Variants in SRGAP2C observed in about 807,000 individuals in gnomAD.
SRGAP2C encodes the protein SLIT-ROBO Rho GTPase-activating protein 2C.
Under a neutral mutation model 25.1 loss-of-function variants are expected in SRGAP2C, and 15 were observed. That is an observed-to-expected ratio of 0.60 (90% CI 0.40 to 0.92). SRGAP2C has a LOEUF of 0.92. Ranked by LOEUF, SRGAP2C falls within the 40% of genes least tolerant of loss-of-function variation. SRGAP2C has a pLI of 0.00. For missense variants in SRGAP2C, 144 were observed against 264.4 expected, an observed-to-expected ratio of 0.54 and a Z score of 3.16; for synonymous variants, 44 against 96.6, an observed-to-expected ratio of 0.46 and a Z score of 3.19.
At chr1:121,191,425 TTG>T (rs1654672340) in intron 2 of SRGAP2C, among the ~76,000 whole-genome samples, 2 of 151,980 alleles carry the variant, frequency 1.3e-5, no homozygotes, top group African/African-American at 4.8e-5. Flanking sequence ...GGTATTTTTA[TTG>T]TTTTTTTTTT....
rs1439145855 is a variant in SRGAP2C at position 121,218,458 on chromosome 1, G to A, written c.67+30945G>A. 1.3e-4 allele frequency among the ~76,000 whole-genome samples: 13 copies of A among 102,452 alleles called. No individual in the cohort carries two copies. In the East Asian group the frequency reaches 3.5e-3, roughly 27 times the overall value. 67.2% of individuals were successfully genotyped at this position (102,452 alleles called of 152,430 possible). A position where few individuals can be genotyped will look rare whatever the true frequency, so the allele number is the denominator to read the frequency against. ...ACTCCTGGGCTCAAGCCATCCTACAGTCTCAGCCTCCTGAGTAGCTGGGAT... is the reference window on the plus strand; with the variant it reads ...ACTCCTGGGCTCAAGCCATCCTACAATCTCAGCCTCCTGAGTAGCTGGGAT... On this transcript the variant is annotated intron_variant, in intron 2 of 9. Coordinates refer to ENST00000367123, the MANE Select transcript of SRGAP2C (RefSeq NM_001329984.2).
intron 4 of SRGAP2C, among the ~76,000 whole-genome samples, chr1:121,355,290 G>A (rs1417801766): frequency 1.4e-5 from 2 of 145,332 alleles, no homozygotes; most frequent in African/African-American, 5.1e-5. Flanking sequence ...TGACAACTGC[G>A]GGTAGATACA....
intron 3 of SRGAP2C, among the ~76,000 whole-genome samples, chr1:121,285,338 A>G (rs1657335570): frequency 6.8e-6 from 1 of 147,882 alleles, no homozygotes; most frequent in East Asian, 2.0e-4. Context: ...TAGATGAGGA[A>G]ACTGAGGCAT....
At chr1:121,323,480 G>A (rs1203985974) in intron 3 of SRGAP2C, among the ~76,000 whole-genome samples, 4 of 143,440 alleles carry the variant, frequency 2.8e-5, no homozygotes, top group Non-Finnish European at 6.1e-5. Context: ...GCTGGGCGTG[G>A]TGGCAGGTGC....
rs1397688420 is a variant in SRGAP2C, at chr1:121,282,656, G to A, written c.68-2147G>A. ...TGCAAACTCCGCCTCCCGGGTTCAC[G>A]CCATTCTCCCACCTCAGCCTCCCCA... On this transcript the variant is annotated intron_variant, in intron 2 of 9. Coordinates refer to ENST00000367123, the MANE Select transcript of SRGAP2C (RefSeq NM_001329984.2). Among the ~76,000 whole-genome samples, 47 of 151,898 alleles carry A rather than the reference G, an allele frequency of 3.1e-4. 1 individual carries two copies. Among genetic ancestry groups the A allele is most frequent in the East Asian group, 2.5e-3 (13 of 5,162 alleles).
chr1:121,268,827 T>A (rs1265825682), intron 2 of SRGAP2C, among the ~76,000 whole-genome samples: 4 of 98,972 alleles, frequency 4.0e-5, no homozygotes, highest in African/African-American at 1.2e-4. Context: ...TATGAGGAAA[T>A]GGTAAGTCAG....
At chr1:121,315,327 C>T (rs1195158955) in intron 3 of SRGAP2C, among the ~76,000 whole-genome samples, 2 of 149,992 alleles carry the variant, frequency 1.3e-5, no homozygotes, top group African/African-American at 4.9e-5. Context: ...CTTTTTAAAA[C>T]AGGTGAAGAG....
chr1:121,347,761 C>T (rs1431359359), intron 4 of SRGAP2C, among the ~76,000 whole-genome samples: 46 of 152,100 alleles, frequency 3.0e-4, no homozygotes, highest in African/African-American at 6.7e-4. Context: ...AGCCCTGTAG[C>T]GCCTGTGGAG....
chr1:121,202,332 C>T (rs1655005075), intron 2 of SRGAP2C, among the ~76,000 whole-genome samples: 1 of 152,142 alleles, frequency 6.6e-6, no homozygotes, highest in Non-Finnish European at 1.5e-5. Context: ...CCCCTCCCCT[C>T]CTCACTTCCT....
chr1:121,345,884 C>A (rs1553343786), intron 4 of SRGAP2C, among the ~76,000 whole-genome samples: 2 of 136,884 alleles, frequency 1.5e-5, no homozygotes, highest in East Asian at 4.7e-4. Context: ...CTCTTGACTT[C>A]AGGTGATCCA....
chr1:121,186,573 A>G (rs1654505267), intron 1 of SRGAP2C, among the ~76,000 whole-genome samples: 1 of 149,462 alleles, frequency 6.7e-6, no homozygotes, highest in Admixed American at 6.6e-5. Flanking sequence ...CTAGGTCGGG[A>G]GGGCTCCCTC....
At position 121,335,154 on chromosome 1, in the gene SRGAP2C, A is replaced by G. The variant is rs1658483672; in HGVS notation, c.423+10514A>G. Among the ~76,000 whole-genome samples, 3 of 150,990 alleles carry G rather than the reference A, an allele frequency of 2.0e-5. No individual in the cohort carries two copies. The South Asian group carries it at 6.3e-4, about 32-fold the overall frequency. ...CTAAAAATACAAAAATTAGCTGGGC[A>G]TGGTGGTACGTGCCTGTAATCCCAG... On this transcript the variant is annotated intron_variant, in intron 4 of 9. Coordinates refer to ENST00000367123, the MANE Select transcript of SRGAP2C (RefSeq NM_001329984.2).
At chr1:121,294,725 T>C (rs1657561204) in intron 3 of SRGAP2C, among the ~76,000 whole-genome samples, 1 of 140,068 alleles carries the variant, frequency 7.1e-6, no homozygotes, top group Non-Finnish European at 1.5e-5. Context: ...GAGCAATACT[T>C]CTACATTTCT....
At chr1:121,303,970 C>T (rs1553339156) in intron 3 of SRGAP2C, among the ~76,000 whole-genome samples, 8 of 145,018 alleles carry the variant, frequency 5.5e-5, no homozygotes, top group African/African-American at 1.5e-4. Flanking sequence ...TTTGGGAGGC[C>T]GAGGCGGGCC....
intron 4 of SRGAP2C, among the ~76,000 whole-genome samples, chr1:121,348,574 C>T (rs1346640760): frequency 6.6e-6 from 1 of 151,096 alleles, no homozygotes; most frequent in Non-Finnish European, 1.5e-5. Context: ...AAAACTGATA[C>T]ATCAAGAATA....
At chr1:121,322,937 G>T (rs1658241771) in intron 3 of SRGAP2C, among the ~76,000 whole-genome samples, 1 of 152,102 alleles carries the variant, frequency 6.6e-6, no homozygotes, top group African/African-American at 2.4e-5. Context: ...AGGAAAGGGG[G>T]AAAGAAACAG....
rs1277942821 is a variant in SRGAP2C, at chr1:121,185,025, G to C, written c.-642G>C. 1.9e-6 allele frequency: 1 copy of C among 516,948 alleles called. No homozygotes were observed. The highest frequency in any genetic ancestry group is 2.1e-5 in the African/African-American group (1 of 47,556). 32.0% of individuals were successfully genotyped at this position (516,948 alleles called of 1,614,324 possible). On this transcript the variant is annotated 5_prime_UTR_variant, in exon 1 of 10. Transcript: ENST00000367123. ...GGCGGAGGCTCCTCCAGGGACTGGGGCACCGATCTGCGTAGAAACGGGTGG... is the reference window on the plus strand; with the variant it reads ...GGCGGAGGCTCCTCCAGGGACTGGGCCACCGATCTGCGTAGAAACGGGTGG...
intron 2 of SRGAP2C, among the ~76,000 whole-genome samples, chr1:121,211,548 G>A (rs1305998369): frequency 6.7e-6 from 1 of 149,218 alleles, no homozygotes; most frequent in Non-Finnish European, 1.5e-5. Context: ...TGCCTCATAA[G>A]TAAAGAAAAA....
At chr1:121,235,133 A>T (rs1468690527) in intron 2 of SRGAP2C, among the ~76,000 whole-genome samples, 2 of 138,212 alleles carry the variant, frequency 1.4e-5, no homozygotes, top group African/African-American at 5.6e-5. Context: ...GCCATTCTCC[A>T]TTCTCCAGCT....
Sources: allele counts gnomAD v4.1 joint callset (sites outside exome capture counted in the v4.1 genomes callset), GRCh38; gene constraint gnomAD v4.1.1; transcripts MANE v1.5; gene names NCBI Gene and HGNC (gene_info 2026-07-23, HGNC 2026-07-21).